LRRC3B: variants seen among roughly 807,000 people sequenced by gnomAD.
The protein encoded by LRRC3B is leucine-rich repeat-containing protein 3B.
Under a neutral mutation model 12.8 loss-of-function variants are expected in LRRC3B, and 2 were observed. The observed-to-expected ratio is 0.16, with a 90% confidence interval of 0.06 to 0.49. The LOEUF is 0.49. Among genes scored for constraint, LRRC3B ranks in the 20% least tolerant of loss-of-function variants. The pLI is 0.96. For missense variants in LRRC3B, 189 were observed against 319.4 expected, an observed-to-expected ratio of 0.59 and a Z score of 3.11; for synonymous variants, 132 against 122.0, an observed-to-expected ratio of 1.08 and a Z score of -0.54.
At chr3:26,672,230 GTTAATAT>G (rs1257473468) in intron 1 of LRRC3B, among the ~76,000 whole-genome samples, 19 of 152,166 alleles carry the variant, frequency 1.2e-4, no homozygotes, top group African/African-American at 3.9e-4. Flanking sequence ...ACAGCCTCTA[GTTAATAT>G]AATATCCTAG....
At chr3:26,646,889 T>C (rs914074839) in intron 1 of LRRC3B, among the ~76,000 whole-genome samples, 19 of 152,154 alleles carry the variant, frequency 1.2e-4, no homozygotes, top group African/African-American at 4.3e-4. Flanking sequence ...CACTTATGGC[T>C]GTGAATTTGG....
chr3:26,655,466 G>A (rs1350688661), intron 1 of LRRC3B, among the ~76,000 whole-genome samples: 1 of 152,124 alleles, frequency 6.6e-6, no homozygotes, highest in African/African-American at 2.4e-5. Context: ...TTCCTACAAT[G>A]GACATGACTA....
chr3:26,640,400 C>G (rs60988309), intron 1 of LRRC3B, among the ~76,000 whole-genome samples: 6,484 of 150,458 alleles, frequency 0.043, 350 homozygotes, highest in East Asian at 0.17. Flanking sequence ...CCAAAACTCC[C>G]TAAGTCATTG....
intron 1 of LRRC3B, chr3:26,625,044 T>C (rs1462017885): frequency 6.6e-6 from 1 of 152,246 alleles, no homozygotes; most frequent in African/African-American, 2.4e-5. Context: ...TGGCTGAGAG[T>C]GGATCCCTGG....
At chr3:26,632,080 G>A (rs1328339938) in intron 1 of LRRC3B, among the ~76,000 whole-genome samples, 1 of 152,178 alleles carries the variant, frequency 6.6e-6, no homozygotes, top group Non-Finnish European at 1.5e-5. Flanking sequence ...GAGCACTTCT[G>A]GGAGCCTACA....
At chr3:26,636,930 CTTTCTTTCTT>C (rs1307443322) in intron 1 of LRRC3B, among the ~76,000 whole-genome samples, 22 of 97,168 alleles carry the variant, frequency 2.3e-4, no homozygotes, top group Non-Finnish European at 3.0e-4. Flanking sequence ...TTCTTTCTTT[CTTTCTTTCTT>C]TCTTTCTTTC....
chr3:26,669,492 TGAA>T (rs753674532), intron 1 of LRRC3B, among the ~76,000 whole-genome samples: 2 of 152,210 alleles, frequency 1.3e-5, no homozygotes, highest in Non-Finnish European at 2.9e-5. Flanking sequence ...CAAGTATTTG[TGAA>T]ATAAGGAGAT....
intron 1 of LRRC3B, among the ~76,000 whole-genome samples, chr3:26,658,977 T>G (rs1699435759): frequency 6.6e-6 from 1 of 152,202 alleles, no homozygotes; most frequent in African/African-American, 2.4e-5. Flanking sequence ...AGGTGCTAAC[T>G]TCCTAATGAT....
intron 1 of LRRC3B, among the ~76,000 whole-genome samples, chr3:26,644,937 C>T (rs1334456036): frequency 6.6e-6 from 1 of 152,098 alleles, no homozygotes; most frequent in African/African-American, 2.4e-5. Flanking sequence ...TACAAATATA[C>T]ACATATACAT....
At chr3:26,710,267 A>G in exon 2 of LRRC3B, 1 of 1,613,786 alleles carries the variant, frequency 6.2e-7, no homozygotes, top group Non-Finnish European at 8.5e-7. Context: ...TAACCTCCCT[A>G]AAAAAACTAC....
intron 1 of LRRC3B, among the ~76,000 whole-genome samples, chr3:26,697,923 T>C (rs1399930890): frequency 2.0e-5 from 3 of 152,320 alleles, no homozygotes; most frequent in Admixed American, 6.5e-5. Context: ...ATTATATGGT[T>C]CATTTTCTTT....
chr3:26,682,730 C>T (rs1699996547), intron 1 of LRRC3B, among the ~76,000 whole-genome samples: 1 of 152,206 alleles, frequency 6.6e-6, no homozygotes, highest in Admixed American at 6.5e-5. Context: ...AGGGTTCTCA[C>T]ATGAAAGTGG....
intron 1 of LRRC3B, among the ~76,000 whole-genome samples, chr3:26,673,108 C>G (rs1402084396): frequency 6.6e-6 from 1 of 152,090 alleles, no homozygotes; most frequent in Non-Finnish European, 1.5e-5. Context: ...TTAAATAAAA[C>G]AAAGGTCTGC....
At chr3:26,669,019 TATGTC>T in intron 1 of LRRC3B, among the ~76,000 whole-genome samples, 1 of 152,332 alleles carries the variant, frequency 6.6e-6, no homozygotes, top group South Asian at 2.1e-4. Context: ...AACAAATTAA[TATGTC>T]ATGTACACAT....
At chr3:26,675,899 T>C (rs1482777388) in intron 1 of LRRC3B, among the ~76,000 whole-genome samples, 1 of 152,070 alleles carries the variant, frequency 6.6e-6, no homozygotes, top group South Asian at 2.1e-4. Context: ...TGGTAGTTGG[T>C]AAAATAAAAT....
intron 1 of LRRC3B, among the ~76,000 whole-genome samples, chr3:26,692,212 G>C (rs574107314): frequency 6.6e-6 from 1 of 152,126 alleles, no homozygotes; most frequent in Non-Finnish European, 1.5e-5. Context: ...TAAGTACTGC[G>C]GTTACACTCG....
chr3:26,692,430 G>GAAA (rs1700210877), intron 1 of LRRC3B, among the ~76,000 whole-genome samples: 1 of 152,180 alleles, frequency 6.6e-6, no homozygotes, highest in Non-Finnish European at 1.5e-5. Flanking sequence ...AGACGTGCAT[G>GAAA]GATATCTTTC....
intron 1 of LRRC3B, among the ~76,000 whole-genome samples, chr3:26,642,327 T>G (rs1699046628): frequency 2.6e-5 from 4 of 152,188 alleles, no homozygotes; most frequent in African/African-American, 9.7e-5. Context: ...TGAGAGCCAC[T>G]GGTGTGGTGG....
chr3:26,644,002 C>A (rs760463952), intron 1 of LRRC3B, among the ~76,000 whole-genome samples: 2 of 152,154 alleles, frequency 1.3e-5, no homozygotes, highest in African/African-American at 4.8e-5. Flanking sequence ...TCCAAGTATA[C>A]CACTGCGGTG....
Sources: gnomAD v4.1 joint callset for allele counts (sites outside exome capture counted in the v4.1 genomes callset) on GRCh38, gnomAD v4.1.1 for gene constraint, MANE v1.5 for transcripts, NCBI Gene and HGNC (gene_info 2026-07-23, HGNC 2026-07-21) for gene names.